The following EIF4G2 variants were observed in gnomAD, a reference collection of about 807,000 sequenced individuals.
EIF4G2 encodes the protein DAP-5.
A neutral mutation model predicts 117.7 loss-of-function variants in EIF4G2; 8 were observed. The ratio of observed to expected loss-of-function variants is 0.07; its 90% confidence interval spans 0.04 to 0.12. EIF4G2 has a LOEUF of 0.12. EIF4G2 is among the 10% of genes least tolerant of loss of function. The pLI, the probability that EIF4G2 is intolerant of heterozygous loss-of-function variation, is 1.00. For synonymous variants in EIF4G2, 413 were observed against 367.8 expected, an observed-to-expected ratio of 1.12 and a Z score of -1.41; for missense variants, 812 against 1,086.2, an observed-to-expected ratio of 0.75 and a Z score of 3.55.
Position 10,799,126 on chromosome 11 carries a change from A to G in EIF4G2, c.2537-13T>C, listed in dbSNP as rs773535374. ...CGAAGTAACATGCCTTAAAAAAAAA[A>G]AAAAAAAGAAAAAAGTAATAAGCCC... On this transcript the variant is annotated splice_polypyrimidine_tract_variant and intron_variant, in intron 20 of 21. Transcript: ENST00000339995. 1 of 1,576,986 alleles carries G rather than the reference A, an allele frequency of 6.3e-7. No homozygotes were observed. Among genetic ancestry groups the G allele is most frequent in the Non-Finnish European group, 8.5e-7 (1 of 1,170,292 alleles).
chr11:10,803,313 A>G lies in EIF4G2; in HGVS notation c.814-19T>C, dbSNP rs1472058810. ...TTAAGGACTGATAAGAGAAGAATAC[A>G]TTCATTGGAAGAGCTAAAGCAAATG... On this transcript the variant is annotated intron_variant, in intron 9 of 21. Transcript: ENST00000339995. The surrounding 1 kb of genome is among the most constrained non-coding windows in gnomAD (Gnocchi z 4.0). 5.0e-6 allele frequency: 8 copies of G among 1,610,018 alleles called. No homozygotes were observed. The highest frequency in any genetic ancestry group is 1.6e-4 in the Middle Eastern group (1 of 6,068).
intron 19 of EIF4G2, 46 bp from the exon 20 acceptor site, chr11:10,799,470 G>A (rs1408807866): frequency 1.9e-6 from 3 of 1,609,540 alleles, no homozygotes; most frequent in Non-Finnish European, 2.5e-6. Flanking sequence ...GAGTTTTCTT[G>A]CTCAAGAGAC....
chr11:10,806,853 G>A lies in EIF4G2; in HGVS notation c.74C>T (p.Ala25Val), dbSNP rs1382848878. Reference sequence around the variant, plus strand: ...AGCAGTCTTGGGATAGTGCTGAGGTGCACCCCTACTTCCTCCTCCGCCCGA... The same window carrying A: ...AGCAGTCTTGGGATAGTGCTGAGGTACACCCCTACTTCCTCCTCCGCCCGA... Residue 25 changes from alanine to valine, a missense_variant, in exon 3 of 22, where the codon GCA (alanine) becomes GTA (valine). Ala to Val is a moderately conservative substitution (Grantham distance 64). Coordinates refer to ENST00000339995, the MANE Select transcript of EIF4G2 (RefSeq NM_001418.4). 11 of 1,614,000 alleles carry A rather than the reference G, an allele frequency of 6.8e-6. No homozygotes were observed. Among genetic ancestry groups the A allele is most frequent in the Non-Finnish European group, 9.3e-6 (11 of 1,180,014 alleles).
intron 2 of EIF4G2, 95 bp from the exon 3 acceptor site, chr11:10,806,980 TG>T (rs1847593552): frequency 3.5e-6 from 5 of 1,441,238 alleles, no homozygotes; most frequent in African/African-American, 1.4e-5. Flanking sequence ...CTTGTAGAGA[TG>T]GGGGTCTCGC....
intron 18 of EIF4G2, 143 bp downstream of exon 18, chr11:10,799,947 T>C (rs1590039377): frequency 8.5e-7 from 1 of 1,172,416 alleles, no homozygotes. Flanking sequence ...AAATCTCTCT[T>C]TATAGGTGAG....
chr11:10,803,072 A>G lies in EIF4G2; in HGVS notation c.954T>C (p.Asn318=), dbSNP rs1193813790. Reference sequence around the variant, plus strand: ...GAATTTGATTGATCGTCTTTGGTCCATTGTCAAGAAAAGCCTTGCGAGGAA... The same window carrying G: ...GAATTTGATTGATCGTCTTTGGTCCGTTGTCAAGAAAAGCCTTGCGAGGAA... Residue 318 remains asparagine, a synonymous_variant, in exon 11 of 22, where the codon AAT becomes AAC. Transcript: ENST00000339995. The surrounding 1 kb of genome is among the most constrained non-coding windows in gnomAD (Gnocchi z 4.0). The G allele has an allele frequency of 4.3e-6, 7 of 1,611,160 alleles. No homozygotes were observed. Among genetic ancestry groups the G allele is most frequent in the East Asian group, 4.5e-5 (2 of 44,818 alleles).
rs773350828 is a variant in EIF4G2 at position 10,805,954 on chromosome 11, G to C, written c.201C>G (p.Ser67=). ...CATCATGTCGTTCTTTTTCGTTTGC[G>C]GAGTTGTTTGCTGCGGAGTTGTCAT... is the stretch of plus-strand genomic sequence containing the variant. The change falls in exon 4 of 22, where the codon TCC becomes TCG. Residue 67 remains serine (S), a synonymous_variant. Transcript: ENST00000339995. The C allele has an allele frequency of 2.5e-6, 4 of 1,614,016 alleles. No homozygotes were observed. The highest frequency in any genetic ancestry group is 1.1e-5 in the South Asian group (1 of 91,076).
At chr11:10,807,916 C>T (rs1847633819) in intron 1 of EIF4G2, 4 of 1,015,098 alleles carry the variant, frequency 3.9e-6, no homozygotes, top group Non-Finnish European at 4.7e-6. Context: ...AACATGGCAG[C>T]AGGAACCTCC....
At chr11:10,807,435 G>A in intron 1 of EIF4G2, 54 bp from the exon 2 acceptor site, 1 of 1,491,910 alleles carries the variant, frequency 6.7e-7, no homozygotes, top group South Asian at 1.4e-5. Context: ...AGATCTATAA[G>A]CCTTCATTCA....
In EIF4G2 at chr11:10,804,021, G is replaced by C; in HGVS notation, c.580C>G (p.Pro194Ala). The C allele has an allele frequency of 6.2e-7, 1 of 1,613,924 alleles. No individual in the cohort carries two copies. The highest frequency in any genetic ancestry group is 8.5e-7 in the Non-Finnish European group (1 of 1,179,958). ...ATGGCTCTCTGTTCCTCCTCCTCGG[G>C]GAGGAGGGGATTTTCACGCTTATCA... Residue 194 changes from proline (P) to alanine (A), a missense_variant, in exon 8 of 22, where the codon CCC becomes GCC. Transcript: ENST00000339995.
At chr11:10,799,527 A>G (rs1847360336) in intron 19 of EIF4G2, 25 bp downstream of exon 19, 1 of 1,611,200 alleles carries the variant, frequency 6.2e-7, no homozygotes, top group Non-Finnish European at 8.5e-7. Flanking sequence ...AAACATTACC[A>G]TATGCAGAAA....
chr11:10,799,076 C>T lies in EIF4G2; in HGVS notation c.2574G>A (p.Met858Ile). The change falls in exon 21 of 22, where the codon ATG (methionine) becomes ATA (isoleucine). Residue 858 changes from methionine to isoleucine, a missense_variant. Met to Ile is a conservative substitution (Grantham distance 10, BLOSUM62 1). Around this residue, in one of 4 missense-constraint regions of EIF4G2, gnomAD observed 571 missense variants for 642.3 expected, o/e 0.89. Transcript: ENST00000339995. ...AGAAAGCTTCTTCTTCAATAATTTC[C>T]ATGTCATAGAAGTGCACAAAAAAGC... 1 of 1,607,112 alleles carries T rather than the reference C, an allele frequency of 6.2e-7. No homozygotes were observed. Among genetic ancestry groups the T allele is most frequent in the Non-Finnish European group, 8.5e-7 (1 of 1,178,182 alleles).
intron 4 of EIF4G2, among the ~76,000 whole-genome samples, chr11:10,805,369 A>G (rs572904187): frequency 6.6e-6 from 1 of 152,328 alleles, no homozygotes; most frequent in East Asian, 1.9e-4. Flanking sequence ...GGGAAATGCT[A>G]GCATGACAGG....
intron 3 of EIF4G2, chr11:10,806,401 T>G (rs909746986): frequency 1.5e-5 from 5 of 339,072 alleles, no homozygotes; most frequent in Non-Finnish European, 2.2e-5. Context: ...GATCTCAAAC[T>G]CTTGGGTTCA....
chr11:10,803,196 A>G lies in EIF4G2; in HGVS notation c.897+15T>C. On this transcript the variant is annotated intron_variant, in intron 10 of 21. Transcript: ENST00000339995. This position sits in a 1 kb window ranked among gnomAD's most constrained non-coding sequence, Gnocchi z 4.0. ...AAACTCAGCTTACCAACAAATTTAA[A>G]GAAACCAGTATTACCTGCAGCAGGA... The G allele has an allele frequency of 1.9e-6, 3 of 1,609,184 alleles. No homozygotes were observed. The highest frequency in any genetic ancestry group is 1.7e-6 in the Non-Finnish European group (2 of 1,178,808).
intron 11 of EIF4G2, among the ~76,000 whole-genome samples, 179 bp from the exon 12 acceptor site, chr11:10,802,614 C>A (rs759750265): frequency 6.6e-6 from 1 of 152,182 alleles, no homozygotes; most frequent in African/African-American, 2.4e-5. Context: ...CATCTGTAAT[C>A]CCCCGACTTT....
In EIF4G2 at chr11:10,806,250, C is replaced by G. The variant is rs1183156561; in HGVS notation, c.108-203G>C. On this transcript the variant is annotated intron_variant, in intron 3 of 21. Transcript: ENST00000339995. ...GTTAATACAGATTGCTGGGCCCACC[C>G]AGTTTCTGCTTTCACTGGTTTGGGG... 4.5e-5 allele frequency: 30 copies of G among 667,734 alleles called. 1 individual carries two copies. The highest frequency in any genetic ancestry group is 6.4e-5 in the Non-Finnish European group (26 of 405,434). The allele number at this position is 667,734 out of a possible 1,614,324, so 41.4% of individuals were successfully genotyped here.
At position 10,804,267 on chromosome 11, in the gene EIF4G2, A is replaced by G. The variant is rs368491326; in HGVS notation, c.483+20T>C. The G allele has an allele frequency of 6.2e-7, 1 of 1,612,978 alleles. No individual in the cohort carries two copies. The highest frequency in any genetic ancestry group is 8.5e-7 in the Non-Finnish European group (1 of 1,179,178). Reference sequence around the variant, plus strand: ...TTTTCAAGTCAACTTTAAAACAAGCAAACAAAAACTACCACTTACGGTGCT... The same window carrying G: ...TTTTCAAGTCAACTTTAAAACAAGCGAACAAAAACTACCACTTACGGTGCT... On this transcript the variant is annotated intron_variant, in intron 6 of 21. Transcript: ENST00000339995.
At position 10,799,303 on chromosome 11, in the gene EIF4G2, T is replaced by G; in HGVS notation, c.2446A>C (p.Met816Leu). The G allele has an allele frequency of 6.2e-7, 1 of 1,614,156 alleles. No homozygotes were observed. The highest frequency in any genetic ancestry group is 2.2e-5 in the East Asian group (1 of 44,878). ...ACGTGATCATGAAGAAATTTCTGCA[T>G]TACTGGCTTGAAAGATAGTAGTAGT... The change falls in exon 20 of 22, where the codon ATG becomes CTG. Residue 816 changes from methionine to leucine, a missense_variant. By Grantham distance (15) the Met-to-Leu change is conservative. Around this residue, in one of 4 missense-constraint regions of EIF4G2, gnomAD observed 571 missense variants for 642.3 expected, o/e 0.89. Transcript: ENST00000339995.
Sources: allele counts gnomAD v4.1 joint callset (sites outside exome capture counted in the v4.1 genomes callset), GRCh38; gene constraint gnomAD v4.1.1; regional missense constraint gnomAD v4.1.1; non-coding constraint Gnocchi (gnomAD v3.1); transcripts MANE v1.5; gene names NCBI Gene and HGNC (gene_info 2026-07-23, HGNC 2026-07-21).